Variants in DNAH5 observed in about 807,000 individuals in gnomAD.
The protein encoded by DNAH5 is dynein axonemal heavy chain 5.
In DNAH5, 372 loss-of-function variants were observed where a neutral mutation model predicts 518.2. The ratio of observed to expected loss-of-function variants is 0.72; its 90% CI spans 0.66 to 0.78. The LOEUF is 0.78. Ranked by LOEUF, DNAH5 falls within the 30% of genes least tolerant of loss-of-function variation. DNAH5 has a pLI of 0.00. For synonymous variants in DNAH5, 2,039 were observed against 2,025.9 expected (o/e 1.01, Z -0.17); for missense variants, 5,523 against 5,687.0 (o/e 0.97, Z 0.93).
At chr5:13,948,823 C>T (rs558745204), upstream of DNAH5, among the ~76,000 whole-genome samples, 32 of 152,094 alleles carry the variant, frequency 2.1e-4, no homozygotes, top group South Asian at 4.4e-3. Flanking sequence ...GTCTCCTGGG[C>T]ATGAAGAAAT....
Position 13,766,096 on chromosome 5 carries a change from CA to C in DNAH5, c.9980del (p.Leu3327ArgfsTer11), listed in dbSNP as rs1752478598. 13 of 1,614,170 alleles carry C rather than the reference CA, an allele frequency of 8.1e-6. No homozygotes were observed. Among genetic ancestry groups the C allele is most frequent in the Non-Finnish European group, 1.0e-5 (12 of 1,180,014 alleles). ...HLIMRIMDCV[L>X]LLFQRKVSAV... Reference sequence around the variant, plus strand: ...CACTGACTTTCCTTTGAAACAGCAGCAGTACGCAATCCATGATCCGCATGAT... The same window carrying C: ...CACTGACTTTCCTTTGAAACAGCAGCGTACGCAATCCATGATCCGCATGAT... On this transcript the variant is annotated frameshift_variant, in exon 59 of 79. Coordinates refer to ENST00000265104, the MANE Select transcript of DNAH5 (RefSeq NM_001369.3). LOFTEE classifies it high-confidence loss of function.
At chr5:13,864,776 G>C (rs6554828) in intron 27 of DNAH5, 139 bp from the exon 28 acceptor site, 1 of 928,962 alleles carries the variant, frequency 1.1e-6, no homozygotes, top group Non-Finnish European at 1.7e-6. Context: ...CTTGCAGGCT[G>C]TCTGTTCATA....
chr5:13,918,720 G>A (rs1364560719), intron 7 of DNAH5, among the ~76,000 whole-genome samples: 6 of 152,108 alleles, frequency 3.9e-5, no homozygotes, highest in Non-Finnish European at 7.3e-5. Context: ...CACCTGCCTC[G>A]GCATCCCAAA....
chr5:13,767,975 T>C (rs1752739109), intron 58 of DNAH5, among the ~76,000 whole-genome samples: 1 of 152,228 alleles, frequency 6.6e-6, no homozygotes. Context: ...TGTTAAGAGT[T>C]TGTACATACC....
intron 75 of DNAH5, among the ~76,000 whole-genome samples, chr5:13,712,694 C>T (rs1743654152): frequency 6.6e-6 from 1 of 152,024 alleles, no homozygotes; most frequent in Non-Finnish European, 1.5e-5. Flanking sequence ...AGAAGATATA[C>T]AAGTAGCCAA....
Position 13,882,908 on chromosome 5 carries a change from GACA to G in DNAH5, c.3167_3169del (p.Leu1056del). 6.2e-7 allele frequency: 1 copy of G among 1,614,058 alleles called. No individual in the cohort carries two copies. The highest frequency in any genetic ancestry group is 8.5e-7 in the Non-Finnish European group (1 of 1,179,988). ...ATTTCTGCACCCCATACCCACCTTG[GACA>G]ACAGTTCACTGCTCCACTGTCTGAC... On this transcript the variant is annotated inframe_deletion, in exon 20 of 79. Transcript: ENST00000265104.
intron 2 of DNAH5, 52 bp downstream of exon 2, chr5:13,931,058 G>T: frequency 6.2e-7 from 1 of 1,613,296 alleles, no homozygotes; most frequent in Non-Finnish European, 8.5e-7. Context: ...TGTGTCAACA[G>T]ACCATCTGTG....
At chr5:13,900,180 G>T (rs749131212) in intron 15 of DNAH5, 26 bp downstream of exon 15, 25 of 1,572,862 alleles carry the variant, frequency 1.6e-5, no homozygotes, top group Non-Finnish European at 2.2e-5. Flanking sequence ...AGCCAAGAAT[G>T]GGGGGAAAAA....
At chr5:13,768,544 C>T (rs2134256) in intron 58 of DNAH5, among the ~76,000 whole-genome samples, 116,994 of 152,118 alleles carry the variant, frequency 0.77, 45,174 homozygotes, top group African/African-American at 0.82. Context: ...CTACATCAGA[C>T]CAGCAGCTCT....
chr5:13,923,781 C>T (rs1275566929), intron 3 of DNAH5, among the ~76,000 whole-genome samples: 10 of 152,262 alleles, frequency 6.6e-5, no homozygotes, highest in Admixed American at 2.0e-4. Flanking sequence ...CGGTGGCTCA[C>T]GCCTATAATC....
chr5:13,814,864 A>AG lies in DNAH5; in HGVS notation c.6989-19dup. 2 of 1,612,076 alleles carry AG rather than the reference A, an allele frequency of 1.2e-6. No individual in the cohort carries two copies. Among genetic ancestry groups the AG allele is most frequent in the Non-Finnish European group, 8.5e-7 (1 of 1,178,984 alleles). ...ATGTTCCCCTAGAATACCCCACCAA[A>AG]GGGAAAAAAAAAATACATACACTCA... On this transcript the variant is annotated intron_variant, in intron 42 of 78. Transcript: ENST00000265104.
chr5:13,819,471 A>C (rs990847887), intron 41 of DNAH5, among the ~76,000 whole-genome samples: 1 of 152,130 alleles, frequency 6.6e-6, no homozygotes, highest in Non-Finnish European at 1.5e-5. Flanking sequence ...ACAATGTACC[A>C]GTGTTGCATC....
At chr5:13,991,451 T>G (rs1783534610) in intron 1 of DNAH5, among the ~76,000 whole-genome samples, 1 of 137,932 alleles carries the variant, frequency 7.2e-6, no homozygotes, top group Admixed American at 8.1e-5. Flanking sequence ...GAGCCAAGGG[T>G]AGGGATTAGG....
rs35337694 is a variant in DNAH5 at position 13,841,918 on chromosome 5, CA to C, written c.5272-15del. ...TCGATCATAGATCTATGTTAGAAAC[CA>C]AAAAAAAAAAAAAAAAAAGCTATAG... On this transcript the variant is annotated splice_polypyrimidine_tract_variant and intron_variant, in intron 32 of 78. Transcript: ENST00000265104. The C allele has an allele frequency of 0.25, 145,744 of 580,214 alleles. 4,049 individuals carry two copies. The highest frequency in any genetic ancestry group is 0.32 in the East Asian group (9,445 of 29,756). 35.9% of individuals were successfully genotyped at this position (580,214 alleles called of 1,614,324 possible). A position where few individuals can be genotyped will look rare whatever the true frequency, so the allele number is the denominator to read the frequency against.
chr5:13,960,274 G>C (rs1288397923), intron 1 of DNAH5, among the ~76,000 whole-genome samples: 1 of 152,184 alleles, frequency 6.6e-6, no homozygotes, highest in Admixed American at 6.5e-5. Context: ...CTGTGTTACA[G>C]TGAATGTGAG....
intron 26 of DNAH5, 57 bp downstream of exon 26, chr5:13,866,163 G>A (rs1769212642): frequency 6.5e-7 from 1 of 1,534,492 alleles, no homozygotes. Flanking sequence ...ACATATGTGT[G>A]TTTAAAACAC....
intron 55 of DNAH5, among the ~76,000 whole-genome samples, chr5:13,773,470 T>C (rs1275826468): frequency 6.6e-6 from 1 of 151,994 alleles, no homozygotes; most frequent in African/African-American, 2.4e-5. Flanking sequence ...AAGAGGTATA[T>C]CCAAAGTTGA....
chr5:13,941,781 A>C (rs1175394557), intron 1 of DNAH5, among the ~76,000 whole-genome samples: 1 of 152,236 alleles, frequency 6.6e-6, no homozygotes, highest in Non-Finnish European at 1.5e-5. Flanking sequence ...CCCTAACAGA[A>C]ACACATACAG....
chr5:13,735,807 T>TACAG lies in DNAH5; in HGVS notation c.11570+7_11570+10dup. On this transcript the variant is annotated intron_variant, in intron 67 of 78. Transcript: ENST00000265104. The stretch of plus-strand genomic sequence containing the variant: ...ATAGAATTCAGCTTGGCTTCCCGCG[T>TACAG]ACAGACGTACCTGGCTAAGGAAAGG... 1.2e-6 allele frequency: 2 copies of TACAG among 1,608,660 alleles called. No individual in the cohort carries two copies. The highest frequency in any genetic ancestry group is 1.7e-5 in the Admixed American group (1 of 60,010).
Sources: gnomAD v4.1 joint callset for allele counts (sites outside exome capture counted in the v4.1 genomes callset) on GRCh38, gnomAD v4.1.1 for gene constraint, MANE v1.5 for transcripts, NCBI Gene and HGNC (gene_info 2026-07-23, HGNC 2026-07-21) for gene names.